COLEC10: variants seen among roughly 807,000 people sequenced by gnomAD.
COLEC10 encodes the protein collectin-10.
COLEC10 carries 22 observed loss-of-function variants against 28.4 expected under a neutral mutation model. The observed-to-expected ratio is 0.78, with a 90% CI of 0.55 to 1.11. COLEC10 has a LOEUF of 1.11. COLEC10 is among the 50% of genes least tolerant of loss of function. The pLI, the probability that COLEC10 is intolerant of heterozygous loss-of-function variation, is 0.00. For synonymous variants in COLEC10, 125 were observed against 116.1 expected (o/e 1.08, Z -0.49); for missense variants, 361 against 344.1 (o/e 1.05, Z -0.39).
At position 119,067,342 on chromosome 8, in the gene COLEC10, T is replaced by C. The variant is rs1419077214; in HGVS notation, c.61T>C (p.Leu21=). ...ATTTATCCTCCTGGTACTATTTCTT[T>C]TGCAAATTCAGAGTCTGGGTCTGGA... ...NQFILLVLFL[L]QIQSLGLDID... is the part of the protein sequence containing the mutation. Residue 21 remains leucine, a synonymous_variant, in exon 1 of 6, where the codon TTG becomes CTG. Coordinates refer to ENST00000332843, the MANE Select transcript of COLEC10 (RefSeq NM_006438.5). The C allele has an allele frequency of 6.2e-7, 1 of 1,614,104 alleles. No individual in the cohort carries two copies.
chr8:119,087,259 C>T (rs1815498611), intron 1 of COLEC10, among the ~76,000 whole-genome samples: 1 of 152,130 alleles, frequency 6.6e-6, no homozygotes, highest in Non-Finnish European at 1.5e-5. Flanking sequence ...ATGATCCCAC[C>T]ATGCTTTGGG....
At chr8:118,983,247 C>T in the COLEC10 span, among the ~76,000 whole-genome samples, 1 of 152,138 alleles carries the variant, frequency 6.6e-6, no homozygotes. Context: ...TACTGGAATG[C>T]ATAAAATCCT....
chr8:119,091,772 A>G (rs1815608100), intron 3 of COLEC10, among the ~76,000 whole-genome samples: 1 of 152,174 alleles, frequency 6.6e-6, no homozygotes, highest in Admixed American at 6.5e-5. Context: ...CTCACAGCTC[A>G]AAAAAAGAAA....
intron 3 of COLEC10, among the ~76,000 whole-genome samples, chr8:119,092,888 AGAGT>A (rs1815638264): frequency 6.6e-6 from 1 of 152,120 alleles, no homozygotes; most frequent in South Asian, 2.1e-4. Flanking sequence ...CTTGGGAGAT[AGAGT>A]GAGATTCCAT....
intron 2 of COLEC10, among the ~76,000 whole-genome samples, chr8:119,040,207 T>C (rs994029583): frequency 6.6e-6 from 1 of 152,192 alleles, no homozygotes; most frequent in African/African-American, 2.4e-5. Flanking sequence ...CTTGAAGTCA[T>C]GAGAAATAAC....
At chr8:118,996,271 C>T (rs1199439619) in intron 1 of COLEC10, among the ~76,000 whole-genome samples, 1 of 152,178 alleles carries the variant, frequency 6.6e-6, no homozygotes, top group African/African-American at 2.4e-5. Context: ...TTTATTCACA[C>T]AACCATGATA....
rs188571742 is a variant in COLEC10, at chr8:119,005,041, T to C, written n.123-4400T>C. On this transcript the variant is annotated intron_variant and non_coding_transcript_variant, in intron 1 of 6. Transcript: ENST00000521788. ...CCATGCTCAAAATCCGTCAATGACA[T>C]CTGCTAAAGGATAAAATCTAAAATA... Among the ~76,000 whole-genome samples the C allele has an allele frequency of 1.8e-4, 27 of 152,216 alleles. No individual in the cohort carries two copies. In the East Asian group the frequency reaches 5.2e-3, roughly 29 times the overall value.
At chr8:118,968,597 A>G in the COLEC10 span, among the ~76,000 whole-genome samples, 5 of 150,896 alleles carry the variant, frequency 3.3e-5, no homozygotes, top group Middle Eastern at 6.9e-3. Context: ...GTGTATATAT[A>G]TACGTATATG....
intron 3 of COLEC10, among the ~76,000 whole-genome samples, chr8:119,094,189 G>A (rs1186680336): frequency 2.0e-5 from 3 of 152,216 alleles, no homozygotes; most frequent in East Asian, 1.9e-4. Context: ...TCCAGCCCAC[G>A]AAATGTGTGG....
rs149406487 is a variant in COLEC10 at position 119,105,643 on chromosome 8, G to A, written c.443-157G>A. 1.5e-3 allele frequency among the ~76,000 whole-genome samples: 224 copies of A among 152,252 alleles called. 1 individual carries two copies. The Middle Eastern group carries it at 0.017, about 12-fold the overall frequency. On this transcript the variant is annotated intron_variant, in intron 5 of 5. Transcript: ENST00000332843. Reference sequence around the variant, plus strand: ...TGTGTTCTCTATTTGCTAACTAGAGGTGGGGGTAATTAAATCTGTGACTAC... The same window carrying A: ...TGTGTTCTCTATTTGCTAACTAGAGATGGGGGTAATTAAATCTGTGACTAC...
At chr8:118,981,305 C>T in the COLEC10 span, among the ~76,000 whole-genome samples, 3 of 152,080 alleles carry the variant, frequency 2.0e-5, no homozygotes, top group Non-Finnish European at 2.9e-5. Context: ...CCAAACTGAG[C>T]TCTGTGATAT....
the COLEC10 span, among the ~76,000 whole-genome samples, chr8:118,986,577 A>G: frequency 6.6e-6 from 1 of 152,216 alleles, no homozygotes; most frequent in African/African-American, 2.4e-5. Flanking sequence ...TAATGTTTGG[A>G]TGCCAAAAAG....
chr8:119,102,646 C>A (rs879630695), intron 4 of COLEC10: 7 of 399,868 alleles, frequency 1.8e-5, no homozygotes, highest in Non-Finnish European at 3.1e-5. Flanking sequence ...GAAAGCCCAG[C>A]CCATCAGGAA....
chr8:119,034,579 C>T (rs1365331621), intron 2 of COLEC10, among the ~76,000 whole-genome samples: 6 of 152,036 alleles, frequency 3.9e-5, no homozygotes, highest in Admixed American at 6.5e-5. Flanking sequence ...AGTGTGGTGG[C>T]GGATGCCTAT....
upstream of COLEC10, chr8:119,063,186 C>T (rs1422447770): frequency 1.3e-5 from 2 of 152,270 alleles, no homozygotes; most frequent in South Asian, 2.1e-4. Context: ...ACAGATGTTG[C>T]TGGGTCTCTG....
chr8:119,004,909 T>C (rs1813764430), intron 1 of COLEC10, among the ~76,000 whole-genome samples: 1 of 151,970 alleles, frequency 6.6e-6, no homozygotes, highest in Admixed American at 6.6e-5. Flanking sequence ...TTCACCTCTT[T>C]GCTAAAAATG....
intron 1 of COLEC10, among the ~76,000 whole-genome samples, chr8:119,078,975 T>A (rs1189757053): frequency 6.7e-6 from 1 of 150,218 alleles, no homozygotes; most frequent in East Asian, 2.0e-4. Flanking sequence ...AGCATAAATC[T>A]GCTCTGGGAA....
At chr8:118,957,711 A>C in the COLEC10 span, among the ~76,000 whole-genome samples, 8 of 152,236 alleles carry the variant, frequency 5.3e-5, no homozygotes, top group African/African-American at 1.9e-4. Flanking sequence ...CATTGTCTCC[A>C]GGACAATCAT....
At chr8:119,060,299 A>T (rs1814832573) in intron 2 of COLEC10, among the ~76,000 whole-genome samples, 1 of 152,174 alleles carries the variant, frequency 6.6e-6, no homozygotes, top group Non-Finnish European at 1.5e-5. Context: ...TGTGAAAACT[A>T]TCTATCATTG....
Sources: gnomAD v4.1 joint callset for allele counts (sites outside exome capture counted in the v4.1 genomes callset) on GRCh38, gnomAD v4.1.1 for gene constraint, MANE v1.5 for transcripts, NCBI Gene and HGNC (gene_info 2026-07-23, HGNC 2026-07-21) for gene names.